The following KDM4C variants were observed in gnomAD, a reference collection of about 807,000 sequenced individuals.
KDM4C encodes the protein lysine-specific demethylase 4C.
A neutral mutation model predicts 129.3 loss-of-function variants in KDM4C; 81 were observed. The ratio of observed to expected loss-of-function variants is 0.63; its 90% CI spans 0.52 to 0.75. The LOEUF (loss-of-function observed/expected upper bound fraction) is 0.75, where lower values mean the gene tolerates loss of function less well. Among genes scored for constraint, KDM4C ranks in the 30% least tolerant of loss-of-function variants. KDM4C has a pLI of 0.00. For synonymous variants in KDM4C, 573 were observed against 456.1 expected, an observed-to-expected ratio of 1.26 and a Z score of -3.26; for missense variants, 1,457 against 1,304.0, an observed-to-expected ratio of 1.12 and a Z score of -1.81.
At chr9:6,795,887 G>A (rs1827652038) in intron 2 of KDM4C, among the ~76,000 whole-genome samples, 1 of 151,950 alleles carries the variant, frequency 6.6e-6, no homozygotes. Context: ...GCCTAGGCTG[G>A]TCTCGAACAC....
chr9:6,773,770 CAAAAA>C (rs963946653), intron 1 of KDM4C, among the ~76,000 whole-genome samples: 2 of 77,238 alleles, frequency 2.6e-5, no homozygotes, highest in African/African-American at 4.5e-5. Context: ...GACTCTGTCT[CAAAAA>C]AAAAAAAAAA....
intron 5 of KDM4C, among the ~76,000 whole-genome samples, chr9:6,865,091 C>T (rs1017744219): frequency 9.3e-5 from 14 of 150,174 alleles, no homozygotes; most frequent in African/African-American, 3.4e-4. Flanking sequence ...TCACTGCAAG[C>T]TCTGCCTCCC....
intron 3 of KDM4C, among the ~76,000 whole-genome samples, chr9:6,813,000 AC>A (rs1161538558): frequency 6.6e-6 from 1 of 151,978 alleles, no homozygotes; most frequent in Non-Finnish European, 1.5e-5. Flanking sequence ...ACATGGAGAA[AC>A]CCCGTCTCTA....
chr9:6,932,928 A>G (rs1398196183), intron 8 of KDM4C, among the ~76,000 whole-genome samples: 2 of 152,214 alleles, frequency 1.3e-5, no homozygotes, highest in East Asian at 3.8e-4. Flanking sequence ...GCACTTTGTA[A>G]CCATCTTTCA....
chr9:6,895,857 A>G (rs1816332460), intron 8 of KDM4C, among the ~76,000 whole-genome samples: 1 of 152,240 alleles, frequency 6.6e-6, no homozygotes, highest in South Asian at 2.1e-4. Flanking sequence ...GTTTCACTAA[A>G]ATATCATGTG....
chr9:7,105,641 A>G lies in KDM4C; in HGVS notation c.2610+1771A>G, dbSNP rs774243782. On this transcript the variant is annotated intron_variant, in intron 18 of 21. Transcript: ENST00000381309. ...TAGCTCATACTCTATTATTTGGTGA[A>G]TTCCAAACCCCAAACCTCAAATGGT... 8.6e-6 allele frequency: 3 copies of G among 350,620 alleles called. No individual in the cohort carries two copies. The Admixed American group carries it at 1.1e-4, about 12-fold the overall frequency. 21.7% of individuals were successfully genotyped at this position (350,620 alleles called of 1,614,324 possible).
intron 17 of KDM4C, among the ~76,000 whole-genome samples, chr9:7,101,168 A>T (rs796824363): frequency 2.6e-5 from 4 of 152,280 alleles, no homozygotes; most frequent in African/African-American, 9.6e-5. Flanking sequence ...TAATTGTAGC[A>T]TGCCTATTCA....
rs1274063913 is a variant in KDM4C, at chr9:7,013,770, A to G, written c.1969-18A>G. ...TTTTCCATGTTTTTCACTCATGTGG[A>G]AACGTTATGTTTTTCAGCCAGATAG... On this transcript the variant is annotated intron_variant, in intron 13 of 21. Transcript: ENST00000381309. 1 of 1,611,298 alleles carries G rather than the reference A, an allele frequency of 6.2e-7. No homozygotes were observed. Among genetic ancestry groups the G allele is most frequent in the South Asian group, 1.1e-5 (1 of 90,938 alleles).
intron 19 of KDM4C, among the ~76,000 whole-genome samples, chr9:7,164,113 C>A (rs563581264): frequency 6.6e-6 from 1 of 152,296 alleles, no homozygotes; most frequent in South Asian, 2.1e-4. Flanking sequence ...GCATTTATAG[C>A]TTGATTGGTC....
chr9:7,098,881 T>C (rs1370540708), intron 17 of KDM4C, among the ~76,000 whole-genome samples: 1 of 150,230 alleles, frequency 6.7e-6, no homozygotes, highest in Non-Finnish European at 1.5e-5. Context: ...GAGCAGAACA[T>C]AAATCTTACA....
intron 1 of KDM4C, among the ~76,000 whole-genome samples, chr9:6,786,202 C>T (rs1230063341): frequency 2.0e-5 from 3 of 152,160 alleles, no homozygotes; most frequent in Middle Eastern, 3.4e-3. Flanking sequence ...TACATTTGGC[C>T]GGAAAGCATC....
intron 8 of KDM4C, among the ~76,000 whole-genome samples, chr9:6,975,305 G>A (rs1328050503): frequency 1.3e-5 from 2 of 152,198 alleles, no homozygotes; most frequent in African/African-American, 4.8e-5. Flanking sequence ...AATATAATGA[G>A]TCCCGGACAT....
intron 19 of KDM4C, among the ~76,000 whole-genome samples, chr9:7,149,562 G>C (rs1381121353): frequency 1.3e-5 from 2 of 152,256 alleles, no homozygotes; most frequent in Non-Finnish European, 2.9e-5. Flanking sequence ...CCTCGCTGCA[G>C]CTGGCATCCT....
intron 4 of KDM4C, among the ~76,000 whole-genome samples, chr9:6,845,028 G>C (rs1304038373): frequency 6.6e-6 from 1 of 152,146 alleles, no homozygotes; most frequent in East Asian, 1.9e-4. Context: ...AATATTTTGG[G>C]AAAAATTGAG....
chr9:7,172,486 T>G (rs998116265), intron 21 of KDM4C, among the ~76,000 whole-genome samples: 13 of 152,234 alleles, frequency 8.5e-5, no homozygotes, highest in African/African-American at 2.7e-4. Flanking sequence ...TTTGATAACT[T>G]TAGCACTTAC....
chr9:7,088,140 T>G (rs574385475), intron 17 of KDM4C, among the ~76,000 whole-genome samples: 3 of 152,294 alleles, frequency 2.0e-5, no homozygotes, highest in African/African-American at 7.2e-5. Flanking sequence ...CTGAGAGCAG[T>G]GTTTGGCTCC....
chr9:6,752,288 G>A (rs1418870441), intron 1 of KDM4C, among the ~76,000 whole-genome samples: 2 of 118,106 alleles, frequency 1.7e-5, no homozygotes, highest in Non-Finnish European at 3.2e-5. Context: ...AGTCGAGATC[G>A]CGCCACTGCA....
chr9:7,025,945 C>T (rs1825739236), intron 15 of KDM4C, among the ~76,000 whole-genome samples: 1 of 152,150 alleles, frequency 6.6e-6, no homozygotes, highest in African/African-American at 2.4e-5. Flanking sequence ...TGGCCCATGC[C>T]TGTAATCCCA....
At chr9:6,741,831 G>T (rs182484477) in intron 1 of KDM4C, among the ~76,000 whole-genome samples, 2 of 151,260 alleles carry the variant, frequency 1.3e-5, no homozygotes, top group East Asian at 3.9e-4. Flanking sequence ...GTCTCCCAAA[G>T]TGCTGGGATT....
Sources: allele counts gnomAD v4.1 joint callset (sites outside exome capture counted in the v4.1 genomes callset), GRCh38; gene constraint gnomAD v4.1.1; transcripts MANE v1.5; gene names NCBI Gene and HGNC (gene_info 2026-07-23, HGNC 2026-07-21).